SASS6: variants seen among roughly 807,000 people sequenced by gnomAD.
SASS6 encodes spindle assembly abnormal protein 6 homolog.
Under a neutral mutation model 94.9 loss-of-function variants are expected in SASS6, and 59 were observed. The observed-to-expected ratio is 0.62, with a 90% confidence interval of 0.50 to 0.77. SASS6 has a LOEUF of 0.77. Among genes scored for constraint, SASS6 ranks in the 30% least tolerant of loss-of-function variants. The probability of loss-of-function intolerance (pLI) is 0.00; values close to 1 mark genes in which losing one functional copy is unlikely to be tolerated. For synonymous variants in SASS6, 264 were observed against 270.0 expected (o/e 0.98, Z 0.22); for missense variants, 698 against 734.1 (o/e 0.95, Z 0.57).
intron 2 of SASS6, 88 bp from the exon 3 acceptor site, chr1:100,123,377 A>T (rs1047030240): frequency 3.2e-5 from 21 of 650,878 alleles, no homozygotes; most frequent in Non-Finnish European, 5.2e-5. Context: ...ATCCAACAAC[A>T]TCAGTGTATC....
intron 15 of SASS6, among the ~76,000 whole-genome samples, chr1:100,086,685 GT>G (rs1436738521): frequency 6.6e-6 from 1 of 150,748 alleles, no homozygotes; most frequent in Admixed American, 6.6e-5. Context: ...TTTTTTTTTG[GT>G]TTTTTTCCTT....
intron 7 of SASS6, among the ~76,000 whole-genome samples, chr1:100,114,483 A>G (rs540407570): frequency 5.5e-4 from 84 of 152,030 alleles, no homozygotes; most frequent in Middle Eastern, 3.4e-3. Context: ...CAGAAGATTG[A>G]GTCCAGCCTG....
rs11166405 is a variant in SASS6, at chr1:100,132,743, A to G, written c.65+7T>C. ...CACCCGCGGGCACTGGATGACGCGGACCTTACCTCTCCTCACAGTCTTTGC... is the reference window on the plus strand; with the variant it reads ...CACCCGCGGGCACTGGATGACGCGGGCCTTACCTCTCCTCACAGTCTTTGC... On this transcript the variant is annotated splice_region_variant and intron_variant, in intron 1 of 16. Coordinates refer to ENST00000287482, the MANE Select transcript of SASS6 (RefSeq NM_194292.3). 66,794 of 1,611,876 alleles carry G rather than the reference A, an allele frequency of 0.041. 1,566 individuals are homozygous for G. Among genetic ancestry groups the G allele is most frequent in the African/African-American group, 0.061 (4,550 of 74,972 alleles).
chr1:100,085,628 C>T lies in SASS6; in HGVS notation c.1775G>A (p.Gly592Asp), dbSNP rs1293745783. 3.8e-6 allele frequency: 6 copies of T among 1,591,044 alleles called. No individual in the cohort carries two copies. The highest frequency in any genetic ancestry group is 5.2e-6 in the Non-Finnish European group (6 of 1,161,512). ...TTTGGATTCCAACCCTACATTTTCA[C>T]CACTTAAAAAGAAAATGGTAATAAC... is the stretch of plus-strand genomic sequence containing the variant. ...SMPCSTDKEN[G>D]ENVGLESKYL... is the part of the protein sequence containing the mutation. The change falls in exon 16 of 17, where the codon GGT (glycine) becomes GAT (aspartate). Residue 592 changes from glycine (G) to aspartate (D), a missense_variant and splice_region_variant. Physicochemically the swap from Gly to Asp is moderately conservative, Grantham distance 94. Transcript: ENST00000287482.
rs750360041 is a variant in SASS6, at chr1:100,107,969, C to G, written c.897G>C (p.Leu299Phe). The change falls in exon 9 of 17, where the codon TTG (leucine) becomes TTC (phenylalanine). Residue 299 changes from leucine to phenylalanine, a missense_variant. Leu to Phe is a conservative substitution (Grantham distance 22, BLOSUM62 0). Transcript: ENST00000287482. The stretch of plus-strand genomic sequence containing the variant: ...CATCTAGTGTAGAATTCTCTCTTCG[C>G]AAAGAGAGGACTTCTTGCTTAGTCC... Reference protein sequence around the residue: ...LQRTKQEVLSLRRENSTLDVE... With the variant: ...LQRTKQEVLSFRRENSTLDVE... 4 of 1,611,886 alleles carry G rather than the reference C, an allele frequency of 2.5e-6. No homozygotes were observed. Among genetic ancestry groups the G allele is most frequent in the Non-Finnish European group, 3.4e-6 (4 of 1,178,886 alleles).
intron 14 of SASS6, among the ~76,000 whole-genome samples, chr1:100,089,282 C>T (rs912412542): frequency 5.3e-5 from 8 of 151,946 alleles, no homozygotes; most frequent in Non-Finnish European, 1.2e-4. Flanking sequence ...TAATCAACCA[C>T]GTATAATTGG....
rs775375273 is a variant in SASS6, at chr1:100,125,895, G to T, written c.113C>A (p.Pro38Gln). 1 of 1,540,802 alleles carries T rather than the reference G, an allele frequency of 6.5e-7. No homozygotes were observed. The highest frequency in any genetic ancestry group is 8.9e-7 in the Non-Finnish European group (1 of 1,123,628). The change falls in exon 2 of 17, where the codon CCA (proline) becomes CAA (glutamine). Residue 38 changes from proline to glutamine, a missense_variant. Transcript: ENST00000287482. ...MSIELQSVSNPVHRKDLVIRL... is the reference protein window; with the variant it reads ...MSIELQSVSNQVHRKDLVIRL... ...CTAAATACCAACCTTTCTGTGAACT[G>T]GATTAGAAACTGATTGTAGTTCAAT...
chr1:100,125,215 A>T (rs985971482), intron 2 of SASS6, among the ~76,000 whole-genome samples: 2 of 141,008 alleles, frequency 1.4e-5, no homozygotes, highest in Non-Finnish European at 3.0e-5. Flanking sequence ...CAATTCTACA[A>T]GGCAGCAGTG....
chr1:100,100,226 A>C (rs1367548559), intron 14 of SASS6, among the ~76,000 whole-genome samples: 3 of 152,346 alleles, frequency 2.0e-5, no homozygotes, highest in East Asian at 3.9e-4. Flanking sequence ...AGATCATGCC[A>C]CTGCACTCTA....
intron 14 of SASS6, among the ~76,000 whole-genome samples, chr1:100,089,874 T>C (rs1651557487): frequency 6.6e-6 from 1 of 151,824 alleles, no homozygotes; most frequent in Admixed American, 6.6e-5. Flanking sequence ...TTGCTTAATG[T>C]CTTTTAAATA....
Position 100,107,489 on chromosome 1 carries a change from T to C in SASS6, c.1211A>G (p.Lys404Arg), listed in dbSNP as rs1652994964. 9.3e-6 allele frequency: 15 copies of C among 1,607,136 alleles called. No homozygotes were observed. Among genetic ancestry groups the C allele is most frequent in the Non-Finnish European group, 1.2e-5 (14 of 1,174,442 alleles). ...LKTLMGKLKLKNTVTIQQEKL... is the reference protein window; with the variant it reads ...LKTLMGKLKLRNTVTIQQEKL... ...TTCTTGCTGAATAGTAACTGTATTC[T>C]TCAATTTCAACTTACCCATTAAAGT... Residue 404 changes from lysine to arginine, a missense_variant, in exon 11 of 17, where the codon AAG (lysine) becomes AGG (arginine). Lys to Arg is a conservative substitution (Grantham distance 26). Transcript: ENST00000287482.
chr1:100,096,073 T>C (rs1342679758), intron 14 of SASS6, among the ~76,000 whole-genome samples: 3 of 152,188 alleles, frequency 2.0e-5, no homozygotes, highest in African/African-American at 7.2e-5. Flanking sequence ...CATGAAACTG[T>C]AAAAGATCTA....
intron 6 of SASS6, among the ~76,000 whole-genome samples, chr1:100,120,028 T>C (rs987610366): frequency 6.6e-6 from 1 of 152,052 alleles, no homozygotes; most frequent in East Asian, 1.9e-4. Flanking sequence ...ATTCTAAACA[T>C]AGCAAAGAAA....
chr1:100,089,542 A>G lies in SASS6; in HGVS notation c.1675-1306T>C, dbSNP rs938703419. ...TATATAAAGGAAACATTATATATAAACATGACTACTGACATCTTGCCAGAA... is the reference window on the plus strand; with the variant it reads ...TATATAAAGGAAACATTATATATAAGCATGACTACTGACATCTTGCCAGAA... On this transcript the variant is annotated intron_variant, in intron 14 of 16. Transcript: ENST00000287482. Among the ~76,000 whole-genome samples the G allele has an allele frequency of 3.0e-4, 45 of 152,282 alleles. No individual in the cohort carries two copies. In the East Asian group the frequency reaches 3.9e-3, roughly 13 times the overall value.
intron 1 of SASS6, among the ~76,000 whole-genome samples, chr1:100,128,796 T>A (rs1654808779): frequency 6.6e-6 from 1 of 152,238 alleles, no homozygotes; most frequent in Non-Finnish European, 1.5e-5. Context: ...AAATAAAAAG[T>A]ATTCTAAACA....
chr1:100,120,399 G>A lies in SASS6; in HGVS notation c.544C>T (p.Arg182Ter), dbSNP rs915372049. Residue 182 changes from arginine (R) to a stop codon, truncating the protein, a stop_gained, in exon 6 of 17, where the codon CGA (arginine) becomes TGA (stop). Coordinates refer to ENST00000287482, the MANE Select transcript of SASS6 (RefSeq NM_194292.3). LOFTEE classifies it high-confidence loss of function. ...DDATKQLDFT[R>*]KTLAEKKQEL... The stretch of plus-strand genomic sequence containing the variant: ...CAAAATGAAATTTGAATTACCTTTC[G>A]TGTAAAGTCCAGTTGCTTAGTAGCA... 3.3e-6 allele frequency: 5 copies of A among 1,497,014 alleles called. No homozygotes were observed. The highest frequency in any genetic ancestry group is 1.4e-5 in the African/African-American group (1 of 72,422). 92.7% of individuals were successfully genotyped at this position (1,497,014 alleles called of 1,614,324 possible).
chr1:100,092,982 A>AG (rs1171333692), intron 14 of SASS6, among the ~76,000 whole-genome samples: 1 of 152,086 alleles, frequency 6.6e-6, no homozygotes, highest in Non-Finnish European at 1.5e-5. Flanking sequence ...TGAAAACATA[A>AG]GGGGGGAAAA....
chr1:100,111,345 T>C (rs1222186168), intron 7 of SASS6, among the ~76,000 whole-genome samples: 1 of 152,054 alleles, frequency 6.6e-6, no homozygotes, highest in Admixed American at 6.5e-5. Context: ...CACTTTTTAA[T>C]CCCTTAGCAT....
chr1:100,123,068 A>C, intron 3 of SASS6, 142 bp downstream of exon 3: 1 of 462,506 alleles, frequency 2.2e-6, no homozygotes, highest in Non-Finnish European at 3.9e-6. Flanking sequence ...AAAACACCCT[A>C]AGTAAAGATA....
Sources: gnomAD v4.1 joint callset for allele counts (sites outside exome capture counted in the v4.1 genomes callset) on GRCh38, gnomAD v4.1.1 for gene constraint, MANE v1.5 for transcripts, NCBI Gene and HGNC (gene_info 2026-07-23, HGNC 2026-07-21) for gene names.